Variants in DISC1 observed in about 807,000 individuals in gnomAD.
DISC1 encodes the protein DISC1 scaffold protein.
A neutral mutation model predicts 84.5 loss-of-function variants in DISC1; 57 were observed. The ratio of observed to expected loss-of-function variants is 0.67; its 90% CI spans 0.55 to 0.84. The LOEUF (loss-of-function observed/expected upper bound fraction) is 0.84. DISC1 is among the 40% of genes least tolerant of loss of function. The pLI is 0.00. For synonymous variants in DISC1, 411 were observed against 415.2 expected, an observed-to-expected ratio of 0.99 and a Z score of 0.12; for missense variants, 1,000 against 1,057.8, an observed-to-expected ratio of 0.95 and a Z score of 0.76.
intron 9 of DISC1, among the ~76,000 whole-genome samples, chr1:231,910,914 C>T (rs2089142965): frequency 6.6e-6 from 1 of 152,190 alleles, no homozygotes; most frequent in East Asian, 1.9e-4. Context: ...GAATTGATCC[C>T]TTTACCATTA....
At chr1:231,809,137 A>G (rs1205388347) in intron 8 of DISC1, among the ~76,000 whole-genome samples, 2 of 152,160 alleles carry the variant, frequency 1.3e-5, no homozygotes, top group Non-Finnish European at 2.9e-5. Flanking sequence ...TAGTCAGGGG[A>G]GATGTCTCTC....
At chr1:231,807,942 A>G (rs900842296) in intron 8 of DISC1, among the ~76,000 whole-genome samples, 1 of 152,230 alleles carries the variant, frequency 6.6e-6, no homozygotes, top group East Asian at 1.9e-4. Context: ...TGCATTTAAT[A>G]ATATGCTTGC....
intron 4 of DISC1, among the ~76,000 whole-genome samples, chr1:231,763,918 G>A (rs74144129): frequency 0.014 from 2,131 of 152,314 alleles, 41 homozygotes; most frequent in African/African-American, 0.046. Context: ...GAATGAAATG[G>A]GGTAGGAGTA....
intron 4 of DISC1, among the ~76,000 whole-genome samples, chr1:231,758,451 G>T (rs781320570): frequency 6.6e-6 from 1 of 152,150 alleles, no homozygotes; most frequent in East Asian, 1.9e-4. Context: ...AGAAAAACGC[G>T]TCTCTCATGA....
At chr1:231,969,756 C>A (rs540123738) in intron 10 of DISC1, among the ~76,000 whole-genome samples, 4 of 152,090 alleles carry the variant, frequency 2.6e-5, no homozygotes, top group South Asian at 2.1e-4. Flanking sequence ...CCTCTCCCCC[C>A]ACCCCATGAC....
At chr1:231,854,980 T>C in intron 9 of DISC1, 1 of 1,093,700 alleles carries the variant, frequency 9.1e-7, no homozygotes, top group Non-Finnish European at 1.2e-6. Context: ...CCTCCCAAAG[T>C]GCTGGGATTA....
intron 6 of DISC1, among the ~76,000 whole-genome samples, chr1:231,778,096 G>C (rs2077096541): frequency 6.6e-6 from 1 of 152,202 alleles, no homozygotes; most frequent in African/African-American, 2.4e-5. Context: ...GCCAGGGATG[G>C]TTGTCTCTGT....
chr1:231,705,832 C>G (rs2067021770), intron 3 of DISC1, among the ~76,000 whole-genome samples: 1 of 152,062 alleles, frequency 6.6e-6, no homozygotes, highest in Non-Finnish European at 1.5e-5. Context: ...AGCAGCTGTG[C>G]AGCCCTGTTC....
At chr1:231,771,404 A>G in intron 6 of DISC1, 1 of 985,398 alleles carries the variant, frequency 1.0e-6, no homozygotes, top group East Asian at 1.1e-4. Flanking sequence ...CCTAATGCCA[A>G]CTTTTGCTGA....
intron 3 of DISC1, among the ~76,000 whole-genome samples, chr1:231,737,317 A>G (rs2072638712): frequency 6.6e-6 from 1 of 152,234 alleles, no homozygotes. Flanking sequence ...TATTTCTACT[A>G]TTCAGCCATG....
At chr1:232,026,674 C>A in intron 12 of DISC1, 122 bp downstream of exon 12, 1 of 702,008 alleles carries the variant, frequency 1.4e-6, no homozygotes, top group Non-Finnish European at 2.5e-6. Context: ...ATTTATAGCA[C>A]AGAGCACCTC....
At chr1:231,980,594 A>G (rs1198670398) in intron 10 of DISC1, among the ~76,000 whole-genome samples, 2 of 152,242 alleles carry the variant, frequency 1.3e-5, no homozygotes, top group Non-Finnish European at 2.9e-5. Flanking sequence ...TGTGATAATT[A>G]TAAACATGGT....
chr1:231,691,622 A>C (rs1254187509), intron 1 of DISC1, among the ~76,000 whole-genome samples: 1 of 152,220 alleles, frequency 6.6e-6, no homozygotes, highest in African/African-American at 2.4e-5. Flanking sequence ...TAAACCACAG[A>C]CAGTATAGGT....
At chr1:231,893,990 C>T (rs1322001997) in intron 9 of DISC1, among the ~76,000 whole-genome samples, 5 of 152,138 alleles carry the variant, frequency 3.3e-5, no homozygotes, top group Admixed American at 6.5e-5. Flanking sequence ...ATACCACAAA[C>T]GTGTATACCA....
intron 10 of DISC1, chr1:231,959,601 G>A (rs1435267041): frequency 2.4e-5 from 17 of 713,258 alleles, no homozygotes; most frequent in Non-Finnish European, 2.9e-5. Context: ...TTAAGCCTTT[G>A]TCTGCTAGGA....
chr1:231,722,933 C>T, intron 3 of DISC1: 1 of 1,246,626 alleles, frequency 8.0e-7, no homozygotes, highest in South Asian at 1.9e-5. Context: ...GGAGAAACCA[C>T]CCAAAAGCAA....
chr1:231,957,412 T>C (rs1444246164), intron 9 of DISC1, among the ~76,000 whole-genome samples: 1 of 152,176 alleles, frequency 6.6e-6, no homozygotes, highest in Admixed American at 6.5e-5. Context: ...TACCACCTTC[T>C]AATGTTTTAT....
intron 4 of DISC1, 93 bp from the exon 5 acceptor site, chr1:231,767,047 C>A: frequency 6.5e-7 from 1 of 1,542,052 alleles, no homozygotes; most frequent in South Asian, 1.2e-5. Flanking sequence ...CAGATGGGGG[C>A]CACTTGCTGG....
intron 10 of DISC1, among the ~76,000 whole-genome samples, chr1:231,960,873 C>T (rs936920792): frequency 6.6e-6 from 1 of 152,240 alleles, no homozygotes; most frequent in Non-Finnish European, 1.5e-5. Flanking sequence ...GACCAACCAA[C>T]TAGAAATTGG....
Sources: allele counts gnomAD v4.1 joint callset (sites outside exome capture counted in the v4.1 genomes callset), GRCh38; gene constraint gnomAD v4.1.1; transcripts MANE v1.5; gene names NCBI Gene and HGNC (gene_info 2026-07-23, HGNC 2026-07-21).